The following IPO11 variants were observed in gnomAD, a reference collection of about 807,000 sequenced individuals.
IPO11 encodes importin-11.
A neutral mutation model predicts 143.2 loss-of-function variants in IPO11; 66 were observed. That is an observed-to-expected ratio of 0.46 (90% CI 0.38 to 0.57). The LOEUF is 0.57. Among genes scored for constraint, IPO11 ranks in the 20% least tolerant of loss-of-function variants. The pLI is 0.00. For synonymous variants in IPO11, 385 were observed against 377.8 expected (o/e 1.02, Z -0.22); for missense variants, 1,026 against 1,141.0 (o/e 0.90, Z 1.45).
chr5:62,510,158 AC>A (rs1741695332), intron 19 of IPO11, among the ~76,000 whole-genome samples: 1 of 151,996 alleles, frequency 6.6e-6, no homozygotes, highest in Admixed American at 6.5e-5. Context: ...GACTGCAAAA[AC>A]TTTCTTAGTT....
At chr5:62,610,575 C>G (rs1290650186) in intron 29 of IPO11, among the ~76,000 whole-genome samples, 1 of 152,160 alleles carries the variant, frequency 6.6e-6, no homozygotes, top group Non-Finnish European at 1.5e-5. Flanking sequence ...TGCAAATCCT[C>G]ACACTCCATT....
chr5:62,419,185 T>C, intron 1 of IPO11: 1 of 1,517,860 alleles, frequency 6.6e-7, no homozygotes, highest in South Asian at 1.2e-5. Flanking sequence ...AAAAATACAG[T>C]GTAGAAGTAA....
chr5:62,566,737 CAA>C (rs753040992), intron 27 of IPO11, among the ~76,000 whole-genome samples: 24 of 64,734 alleles, frequency 3.7e-4, no homozygotes, highest in Admixed American at 3.6e-4. Context: ...GACTCTGTCT[CAA>C]AAAAAAAAAA....
At chr5:62,601,909 C>A in intron 29 of IPO11, 61 bp downstream of exon 29, 3 of 1,003,944 alleles carry the variant, frequency 3.0e-6, no homozygotes, top group South Asian at 1.7e-5. Flanking sequence ...TCTGTAGGTT[C>A]AGAAATATCT....
intron 26 of IPO11, among the ~76,000 whole-genome samples, chr5:62,557,136 A>G (rs1231963679): frequency 6.6e-6 from 1 of 151,970 alleles, no homozygotes; most frequent in Non-Finnish European, 1.5e-5. Context: ...TTATCTAAAC[A>G]TTATTGTCAG....
chr5:62,578,505 A>G (rs1744407029), intron 27 of IPO11, among the ~76,000 whole-genome samples: 1 of 152,068 alleles, frequency 6.6e-6, no homozygotes, highest in African/African-American at 2.4e-5. Flanking sequence ...TTTGATAGCT[A>G]GAGTCTGTTG....
intron 27 of IPO11, among the ~76,000 whole-genome samples, chr5:62,581,799 A>G (rs1160820919): frequency 6.6e-6 from 1 of 152,166 alleles, no homozygotes; most frequent in Non-Finnish European, 1.5e-5. Flanking sequence ...GAGGAGATAT[A>G]TGGTTACTGC....
At chr5:62,488,277 G>A (rs1349460115) in intron 13 of IPO11, among the ~76,000 whole-genome samples, 2 of 152,206 alleles carry the variant, frequency 1.3e-5, no homozygotes, top group Non-Finnish European at 2.9e-5. Context: ...ATTACACTTT[G>A]TACACAAGTA....
chr5:62,458,611 T>C (rs1034371424), intron 5 of IPO11, among the ~76,000 whole-genome samples: 2 of 152,212 alleles, frequency 1.3e-5, no homozygotes, highest in Non-Finnish European at 2.9e-5. Context: ...TATATTGGCT[T>C]TTTAAGTGCA....
intron 27 of IPO11, among the ~76,000 whole-genome samples, chr5:62,582,261 G>A (rs1158330793): frequency 6.6e-6 from 1 of 152,214 alleles, no homozygotes; most frequent in Non-Finnish European, 1.5e-5. Context: ...AGATGCTAGA[G>A]GCCTGGGCCA....
intron 22 of IPO11, among the ~76,000 whole-genome samples, chr5:62,533,030 C>T (rs961268006): frequency 2.0e-5 from 3 of 151,750 alleles, no homozygotes; most frequent in African/African-American, 7.2e-5. Context: ...ATTGTTCAAA[C>T]AAAAAAGATA....
At chr5:62,513,499 C>T (rs1340142224) in intron 19 of IPO11, among the ~76,000 whole-genome samples, 3 of 136,744 alleles carry the variant, frequency 2.2e-5, no homozygotes, top group Non-Finnish European at 4.8e-5. Context: ...CGGGCAGAGG[C>T]GCCCCTCACC....
chr5:62,478,495 A>T (rs1746049361), intron 9 of IPO11, among the ~76,000 whole-genome samples: 1 of 152,104 alleles, frequency 6.6e-6, no homozygotes, highest in Admixed American at 6.6e-5. Flanking sequence ...TAGGATCTTA[A>T]CACAATTTTA....
intron 5 of IPO11, among the ~76,000 whole-genome samples, chr5:62,463,915 C>G (rs1415345433): frequency 6.6e-6 from 1 of 151,668 alleles, no homozygotes; most frequent in African/African-American, 2.4e-5. Flanking sequence ...CCTCCACCTC[C>G]TGGGTTCAAG....
chr5:62,578,108 A>G (rs532018308), intron 27 of IPO11, among the ~76,000 whole-genome samples: 10 of 152,122 alleles, frequency 6.6e-5, no homozygotes, highest in East Asian at 5.8e-4. Flanking sequence ...ACTCTCCCCA[A>G]TTTTTCTTGC....
chr5:62,580,866 A>G (rs1744527715), intron 27 of IPO11: 1 of 1,551,412 alleles, frequency 6.4e-7, no homozygotes, highest in East Asian at 2.4e-5. Flanking sequence ...GTAATCCATT[A>G]GAGACTACAG....
chr5:62,552,366 T>C (rs1168329580), intron 26 of IPO11, among the ~76,000 whole-genome samples: 2 of 152,048 alleles, frequency 1.3e-5, no homozygotes, highest in Non-Finnish European at 2.9e-5. Context: ...TTTTCTAGAA[T>C]TAGACTAATC....
chr5:62,453,879 A>T (rs180825940), intron 5 of IPO11, among the ~76,000 whole-genome samples: 1 of 152,292 alleles, frequency 6.6e-6, no homozygotes, highest in East Asian at 1.9e-4. Context: ...TCATGCCTGT[A>T]ATCCCAGCAC....
At chr5:62,497,839 G>T (rs142223427) in intron 16 of IPO11, among the ~76,000 whole-genome samples, 2 of 152,068 alleles carry the variant, frequency 1.3e-5, no homozygotes, top group African/African-American at 4.8e-5. Context: ...TGTAAGTAAG[G>T]TTCTATCTTT....
Sources: gnomAD v4.1 joint callset for allele counts (sites outside exome capture counted in the v4.1 genomes callset) on GRCh38, gnomAD v4.1.1 for gene constraint, MANE v1.5 for transcripts, NCBI Gene and HGNC (gene_info 2026-07-23, HGNC 2026-07-21) for gene names.